The following KIFC2 variants were observed in gnomAD, a reference collection of about 807,000 sequenced individuals.
KIFC2 encodes the protein kinesin family member C2, also known as kinesin-like protein KIFC2.
Under a neutral mutation model 91.5 loss-of-function variants are expected in KIFC2, and 94 were observed. That is an observed-to-expected ratio of 1.03 (90% CI 0.87 to 1.22). The LOEUF (loss-of-function observed/expected upper bound fraction) is 1.22. Ranked by LOEUF, KIFC2 falls within the 50% of genes most tolerant of loss-of-function variation. The pLI, the probability that KIFC2 is intolerant of heterozygous loss-of-function variation, is 0.00. For synonymous variants in KIFC2, 729 were observed against 503.9 expected (o/e 1.45, Z -5.98); for missense variants, 1,357 against 1,103.3 (o/e 1.23, Z -3.26).
rs551885711 is a variant in KIFC2, at chr8:144,467,894, G to T, written c.717G>T (p.Leu239=). ...ACTCAGAGAAAAGGGTTCAGCATCT[G>T]ACTCTGGAGAACGAGGCCCTGAAGC... ...ATDSEKRVQH[L]TLENEALKQS... is the part of the protein sequence containing the mutation. Residue 239 remains leucine, a synonymous_variant, in exon 7 of 18, where the codon CTG becomes CTT. Transcript: ENST00000645548. The T allele has an allele frequency of 1.9e-6, 3 of 1,613,296 alleles. No individual in the cohort carries two copies. In the African/African-American group the frequency reaches 4.0e-5, roughly 21 times the overall value.
In KIFC2 at chr8:144,472,380, C is replaced by A. The variant is rs755184983; in HGVS notation, c.1627C>A (p.Pro543Thr). 12 of 1,613,248 alleles carry A rather than the reference C, an allele frequency of 7.4e-6. No homozygotes were observed. Among genetic ancestry groups the A allele is most frequent in the Non-Finnish European group, 9.3e-6 (11 of 1,179,974 alleles). ...EAVRDLLAPG[P>T]PERLAVRQGP... ...CACCAGGGACCTCCTTGCTCCAGGG[C>A]CTCCCGAGCGCCTGGCCGTGAGGCA... is the stretch of plus-strand genomic sequence containing the variant. Residue 543 changes from proline (P) to threonine (T), a missense_variant, in exon 15 of 18, where the codon CCT becomes ACT. Transcript: ENST00000645548.
At chr8:144,468,956 C>T (rs745937551) in intron 10 of KIFC2, 122 bp downstream of exon 10, 5 of 750,918 alleles carry the variant, frequency 6.7e-6, no homozygotes, top group African/African-American at 5.3e-5. Flanking sequence ...CAAACAGCTT[C>T]TGTGTGACCC....
rs1810139836 is a variant in KIFC2 at position 144,466,951 on chromosome 8, A to G, written c.179-8A>G. The G allele has an allele frequency of 1.3e-6, 2 of 1,589,418 alleles. No individual in the cohort carries two copies. Among genetic ancestry groups the G allele is most frequent in the Non-Finnish European group, 1.7e-6 (2 of 1,175,210 alleles). On this transcript the variant is annotated splice_region_variant and splice_polypyrimidine_tract_variant and intron_variant, in intron 2 of 17. Transcript: ENST00000645548. ...GAAATGTCTCCCGCCCTCCTCCCTG[A>G]CCGGCAGCCAGCTCCGAGCCTGAGG...
Position 144,473,346 on chromosome 8 carries a change from G to A in KIFC2, c.2333G>A (p.Gly778Asp). ...CCTCCATGCCCCAGTCCCGACAACG[G>A]CTCGGGCTCGGCTCTCGCGCCCGCA... ...GSPPCPSPDN[G>D]SGSALAPAEG... is the part of the protein sequence containing the mutation. The change falls in exon 18 of 18, where the codon GGC (glycine) becomes GAC (aspartate). Residue 778 changes from glycine to aspartate, a missense_variant. Coordinates refer to ENST00000645548, the MANE Select transcript of KIFC2 (RefSeq NM_001369769.2). 6.3e-7 allele frequency: 1 copy of A among 1,586,128 alleles called. No homozygotes were observed. The highest frequency in any genetic ancestry group is 1.1e-5 in the South Asian group (1 of 87,564).
Position 144,473,390 on chromosome 8 carries a change from T to A in KIFC2, c.*1T>A. On this transcript the variant is annotated 3_prime_UTR_variant, in exon 18 of 18. Transcript: ENST00000645548. Reference sequence around the variant, plus strand: ...GCCCGCAGAGGGCCTGCCCCTCTAGTCCTGGGTCGCGGCCCTGCCCATGGG... The same window carrying A: ...GCCCGCAGAGGGCCTGCCCCTCTAGACCTGGGTCGCGGCCCTGCCCATGGG... 1.3e-6 allele frequency: 2 copies of A among 1,576,366 alleles called. No homozygotes were observed. The highest frequency in any genetic ancestry group is 1.7e-6 in the Non-Finnish European group (2 of 1,166,304).
At chr8:144,466,090 C>G (rs574721881), upstream of KIFC2, 1 of 152,070 alleles carries the variant, frequency 6.6e-6, no homozygotes, top group Admixed American at 6.6e-5. Flanking sequence ...GAAGGCTCCG[C>G]GAAACCGGAG....
chr8:144,469,429 G>A (rs1247267857), intron 11 of KIFC2, 50 bp downstream of exon 11: 3 of 1,612,894 alleles, frequency 1.9e-6, no homozygotes, highest in Admixed American at 1.7e-5. Context: ...GCTGGAAGAA[G>A]TGCAGCTTCT....
At position 144,469,396 on chromosome 8, in the gene KIFC2, A is replaced by T. The variant is rs1397523873; in HGVS notation, c.1222+17A>T. The T allele has an allele frequency of 2.5e-6, 4 of 1,611,646 alleles. No homozygotes were observed. The highest frequency in any genetic ancestry group is 1.3e-5 in the African/African-American group (1 of 75,018). ...AACTCAAGGGTATGACAGGCTTGGGAGCCTAGCGGGGCAGGGAGGGCGGCT... is the reference window on the plus strand; with the variant it reads ...AACTCAAGGGTATGACAGGCTTGGGTGCCTAGCGGGGCAGGGAGGGCGGCT... On this transcript the variant is annotated intron_variant, in intron 11 of 17. Coordinates refer to ENST00000645548, the MANE Select transcript of KIFC2 (RefSeq NM_001369769.2).
chr8:144,466,984 G>C lies in KIFC2; in HGVS notation c.204G>C (p.Ser68=). The change falls in exon 3 of 18, where the codon TCG becomes TCC. Residue 68 remains serine, a synonymous_variant. Coordinates refer to ENST00000645548, the MANE Select transcript of KIFC2 (RefSeq NM_001369769.2). Reference sequence around the variant, plus strand: ...CCAGCTCCGAGCCTGAGGATGGGTCGGAAGGCGCAGCCGAGGGCCGCGCGG... The same window carrying C: ...CCAGCTCCGAGCCTGAGGATGGGTCCGAAGGCGCAGCCGAGGGCCGCGCGG... ...LAASSEPEDG[S]EGAAEGRAAA... The C allele has an allele frequency of 1.3e-6, 2 of 1,596,368 alleles. No homozygotes were observed. The highest frequency in any genetic ancestry group is 1.7e-6 in the Non-Finnish European group (2 of 1,176,600).
intron 7 of KIFC2, 105 bp from the exon 8 acceptor site, chr8:144,468,224 G>C: frequency 8.7e-7 from 1 of 1,149,540 alleles, no homozygotes; most frequent in South Asian, 1.4e-5. Context: ...GGAGGCATGG[G>C]TTCACAGCCA....
chr8:144,467,693 GTCTC>G lies in KIFC2; in HGVS notation c.616-17_616-14del. On this transcript the variant is annotated splice_polypyrimidine_tract_variant and intron_variant, in intron 5 of 17. Coordinates refer to ENST00000645548, the MANE Select transcript of KIFC2 (RefSeq NM_001369769.2). Reference sequence around the variant, plus strand: ...ACGCCAGAAAAAGGAGGTCCACCCTGTCTCTCTTACTTCTCCCCAGCTGGAGGAG... The same window carrying G: ...ACGCCAGAAAAAGGAGGTCCACCCTGTCTTACTTCTCCCCAGCTGGAGGAG... 6.2e-7 allele frequency: 1 copy of G among 1,613,166 alleles called. No homozygotes were observed. Among genetic ancestry groups the G allele is most frequent in the Middle Eastern group, 1.7e-4 (1 of 6,056 alleles).
chr8:144,469,501 G>A lies in KIFC2; in HGVS notation c.1234G>A (p.Val412Met). The A allele has an allele frequency of 6.2e-7, 1 of 1,614,040 alleles. No homozygotes were observed. The part of the protein sequence containing the change: ...RLPELKGNIR[V>M]LCRLRPGTSS... ...GATCCCCACTGCAGGAAATATCCGT[G>A]TGCTGTGTCGGCTGAGGCCAGGGAC... Residue 412 changes from valine to methionine, a missense_variant, in exon 12 of 18, where the codon GTG (valine) becomes ATG (methionine). By Grantham distance (21) the Val-to-Met change is conservative. Transcript: ENST00000645548.
In KIFC2 at chr8:144,472,561, TC is replaced by T. The variant is rs748323183; in HGVS notation, c.1732-15del. ...GGGGACCCTGCACCTGACCAGCCCT[TC>T]GCCCCGCCTTCCAGATGCTGAAACT... On this transcript the variant is annotated splice_polypyrimidine_tract_variant and intron_variant, in intron 15 of 17. Coordinates refer to ENST00000645548, the MANE Select transcript of KIFC2 (RefSeq NM_001369769.2). 2 of 1,611,778 alleles carry T rather than the reference TC, an allele frequency of 1.2e-6. No individual in the cohort carries two copies. Among genetic ancestry groups the T allele is most frequent in the Admixed American group, 1.7e-5 (1 of 59,994 alleles).
chr8:144,468,324 C>T lies in KIFC2; in HGVS notation c.811-5C>T, dbSNP rs750829843. ...GAGTCCCTCCTGGCCCCCACCCTCC[C>T]GCAGGAGGAGGCAGAGGCATTGCTA... On this transcript the variant is annotated splice_region_variant and splice_polypyrimidine_tract_variant and intron_variant, in intron 7 of 17. Coordinates refer to ENST00000645548, the MANE Select transcript of KIFC2 (RefSeq NM_001369769.2). The T allele has an allele frequency of 1.4e-5, 23 of 1,608,408 alleles. No individual in the cohort carries two copies. Among genetic ancestry groups the T allele is most frequent in the African/African-American group, 4.0e-5 (3 of 74,860 alleles).
chr8:144,474,179 C>G lies in KIFC2; in HGVS notation c.*790C>G. On this transcript the variant is annotated 3_prime_UTR_variant, in exon 18 of 18. Transcript: ENST00000645548. ...CGCAGACAGCCGCCTCGCCTTGGCTCCCTGTCAACAAGGTGGGGGTGGGAG... is the reference window on the plus strand; with the variant it reads ...CGCAGACAGCCGCCTCGCCTTGGCTGCCTGTCAACAAGGTGGGGGTGGGAG... The G allele has an allele frequency of 7.4e-7, 1 of 1,353,260 alleles. No individual in the cohort carries two copies. Among genetic ancestry groups the G allele is most frequent in the Non-Finnish European group, 1.0e-6 (1 of 998,006 alleles). 83.8% of individuals were successfully genotyped at this position (1,353,260 alleles called of 1,614,324 possible).
chr8:144,471,367 G>A (rs1486260086), intron 12 of KIFC2, among the ~76,000 whole-genome samples: 1 of 150,312 alleles, frequency 6.7e-6, no homozygotes, highest in East Asian at 2.0e-4. Flanking sequence ...CTGGAGTGCA[G>A]TGGTGCAATC....
Position 144,466,402 on chromosome 8 carries a change from C to A in KIFC2, c.-18C>A. 8.3e-7 allele frequency: 1 copy of A among 1,202,498 alleles called. No individual in the cohort carries two copies. The highest frequency in any genetic ancestry group is 1.1e-6 in the Non-Finnish European group (1 of 929,890). 74.5% of individuals were successfully genotyped at this position (1,202,498 alleles called of 1,614,324 possible). On this transcript the variant is annotated 5_prime_UTR_variant, in exon 1 of 18. It adds an upstream start codon to the 5' untranslated region. Coordinates refer to ENST00000645548, the MANE Select transcript of KIFC2 (RefSeq NM_001369769.2). Reference sequence around the variant, plus strand: ...GCGGGGCGGCGCGAAGCGGGGCCCTCTGCCGCCCCGCGCTCCCATGTACGC... The same window carrying A: ...GCGGGGCGGCGCGAAGCGGGGCCCTATGCCGCCCCGCGCTCCCATGTACGC...
chr8:144,468,536 C>T lies in KIFC2; in HGVS notation c.889C>T (p.Leu297=), dbSNP rs1167924589. The part of the protein sequence containing the change: ...QDTTEALRAQ[L]GVQEVQLQGL... ...ACAGGGGTGGGGTTGGGCGGGGCAG[C>T]TGGGGGTGCAGGAGGTGCAGCTGCA... is the stretch of plus-strand genomic sequence containing the variant. Residue 297 remains leucine, a splice_region_variant and synonymous_variant, in exon 9 of 18, where the codon CTG becomes TTG. Transcript: ENST00000645548. The T allele has an allele frequency of 5.1e-6, 8 of 1,569,552 alleles. No homozygotes were observed. Among genetic ancestry groups the T allele is most frequent in the East Asian group, 2.3e-5 (1 of 42,990 alleles).
At chr8:144,470,429 T>C (rs972599194) in intron 12 of KIFC2, among the ~76,000 whole-genome samples, 5 of 152,276 alleles carry the variant, frequency 3.3e-5, no homozygotes, top group South Asian at 2.1e-4. Context: ...AAGGCATCTG[T>C]GGACAAGCCC....
Sources: allele counts gnomAD v4.1 joint callset (sites outside exome capture counted in the v4.1 genomes callset), GRCh38; gene constraint gnomAD v4.1.1; transcripts MANE v1.5; gene names NCBI Gene and HGNC (gene_info 2026-07-23, HGNC 2026-07-21).